The following PRKG1 variants were observed in gnomAD, a reference collection of about 807,000 sequenced individuals.
PRKG1 encodes the protein cGMP-dependent protein kinase 1.
PRKG1 carries 35 observed loss-of-function variants against 88.1 expected under a neutral mutation model. The observed-to-expected ratio is 0.40, with a 90% confidence interval of 0.30 to 0.53. The LOEUF is 0.53. PRKG1 is among the 20% of genes least tolerant of loss of function. PRKG1 has a pLI of 0.59. For synonymous variants in PRKG1, 303 were observed against 292.5 expected, an observed-to-expected ratio of 1.04 and a Z score of -0.37; for missense variants, 540 against 839.8, an observed-to-expected ratio of 0.64 and a Z score of 4.41.
chr10:51,672,394 T>C (rs546453249), intron 3 of PRKG1, among the ~76,000 whole-genome samples: 95 of 152,132 alleles, frequency 6.2e-4, no homozygotes, highest in Admixed American at 2.2e-3. Flanking sequence ...TAATTCATTT[T>C]TTATAATTTT....
chr10:52,292,812 T>C (rs558760552), intron 17 of PRKG1, among the ~76,000 whole-genome samples: 1,573 of 151,850 alleles, frequency 0.01, 21 homozygotes, highest in African/African-American at 0.036. Context: ...TCATACTGAA[T>C]GGGCAAAAAC....
intron 1 of PRKG1, among the ~76,000 whole-genome samples, chr10:51,124,381 A>G (rs961462492): frequency 6.6e-6 from 1 of 151,890 alleles, no homozygotes; most frequent in Non-Finnish European, 1.5e-5. Flanking sequence ...GGGGGTGTGG[A>G]GTGGGAGGAT....
At chr10:52,263,697 C>T (rs1338812314) in intron 10 of PRKG1, among the ~76,000 whole-genome samples, 2 of 151,972 alleles carry the variant, frequency 1.3e-5, no homozygotes, top group East Asian at 2.0e-4. Context: ...ACCTCATCCT[C>T]CCAAGTAGCT....
At chr10:52,028,052 G>T (rs1367839494) in intron 5 of PRKG1, among the ~76,000 whole-genome samples, 1 of 152,132 alleles carries the variant, frequency 6.6e-6, no homozygotes, top group East Asian at 1.9e-4. Context: ...GCCTCTCAAA[G>T]TTCTGGGATT....
At chr10:51,520,348 A>G (rs1841704949) in intron 3 of PRKG1, among the ~76,000 whole-genome samples, 1 of 149,508 alleles carries the variant, frequency 6.7e-6, no homozygotes, top group Non-Finnish European at 1.5e-5. Context: ...TATATATTAT[A>G]TGTATATTTA....
At chr10:51,297,611 T>A (rs1449755049) in intron 2 of PRKG1, among the ~76,000 whole-genome samples, 1 of 152,112 alleles carries the variant, frequency 6.6e-6, no homozygotes, top group African/African-American at 2.4e-5. Context: ...AGGAAGCTTG[T>A]AGGTGACTCA....
intron 9 of PRKG1, among the ~76,000 whole-genome samples, chr10:52,173,244 T>A (rs1838760289): frequency 6.6e-6 from 1 of 152,194 alleles, no homozygotes; most frequent in Admixed American, 6.5e-5. Context: ...TCAAATTGTG[T>A]AGTATTGCTT....
At chr10:51,646,231 C>A (rs1484782969) in intron 3 of PRKG1, among the ~76,000 whole-genome samples, 5 of 152,152 alleles carry the variant, frequency 3.3e-5, no homozygotes, top group Non-Finnish European at 5.9e-5. Flanking sequence ...CAACCTTGAG[C>A]AAGCTACCTA....
intron 3 of PRKG1, among the ~76,000 whole-genome samples, chr10:51,483,445 T>C (rs904111812): frequency 6.6e-6 from 1 of 152,320 alleles, no homozygotes; most frequent in East Asian, 1.9e-4. Context: ...AGAAATCCCA[T>C]TCAACTTCCT....
intron 2 of PRKG1, among the ~76,000 whole-genome samples, chr10:51,191,441 T>C (rs1272377948): frequency 1.3e-5 from 2 of 151,834 alleles, no homozygotes; most frequent in Non-Finnish European, 2.9e-5. Flanking sequence ...GTGTAAATAA[T>C]TGGAGCAGTG....
chr10:52,017,098 G>A (rs1211342648), intron 5 of PRKG1, among the ~76,000 whole-genome samples: 1 of 152,108 alleles, frequency 6.6e-6, no homozygotes. Context: ...GAAGGCTTGA[G>A]TATTAAGAGA....
rs10823860 is a variant in PRKG1 at position 51,907,683 on chromosome 10, C to T, written c.762+113C>T. 662,649 of 927,036 alleles carry T rather than the reference C, an allele frequency of 0.71. 238,494 individuals carry two copies. Among genetic ancestry groups the T allele is most frequent in the African/African-American group, 0.87 (52,347 of 59,984 alleles). The allele number at this position is 927,036 out of a possible 1,614,324, so 57.4% of individuals were successfully genotyped here. A position where few individuals can be genotyped will look rare whatever the true frequency, so the allele number is the denominator to read the frequency against. ...AACTGCAGAGATCTTTAAAAAATTT[C>T]TAAGCTCTGGGATGAGCTATATATT... On this transcript the variant is annotated intron_variant, in intron 5 of 17. Coordinates refer to ENST00000373980, the MANE Select transcript of PRKG1 (RefSeq NM_006258.4).
At chr10:51,734,923 T>C (rs1486040543) in intron 3 of PRKG1, among the ~76,000 whole-genome samples, 2 of 152,236 alleles carry the variant, frequency 1.3e-5, no homozygotes, top group South Asian at 2.1e-4. Context: ...TAGTGTGTTA[T>C]ATGCTCAGGG....
intron 7 of PRKG1, among the ~76,000 whole-genome samples, chr10:52,114,254 T>C (rs557356746): frequency 6.6e-6 from 1 of 152,220 alleles, no homozygotes; most frequent in African/African-American, 2.4e-5. Flanking sequence ...GGTACATGGA[T>C]GTTGGGAACA....
At chr10:52,011,248 A>AT (rs1179447987) in intron 5 of PRKG1, among the ~76,000 whole-genome samples, 5 of 152,118 alleles carry the variant, frequency 3.3e-5, no homozygotes, top group African/African-American at 7.2e-5. Flanking sequence ...TTTAGAATTC[A>AT]TTTTTTTATG....
intron 2 of PRKG1, among the ~76,000 whole-genome samples, chr10:51,269,104 C>A (rs1424277408): frequency 2.0e-5 from 3 of 152,078 alleles, no homozygotes; most frequent in Admixed American, 6.6e-5. Context: ...AAATAGCCAA[C>A]AAACATATGA....
intron 5 of PRKG1, among the ~76,000 whole-genome samples, chr10:51,922,479 A>C (rs1196369400): frequency 6.6e-6 from 1 of 151,782 alleles, no homozygotes; most frequent in Middle Eastern, 3.2e-3. Context: ...TTTCTAAATT[A>C]CAGCTTAGAT....
intron 5 of PRKG1, among the ~76,000 whole-genome samples, chr10:52,048,460 A>T (rs1845912762): frequency 6.6e-6 from 1 of 152,182 alleles, no homozygotes; most frequent in Non-Finnish European, 1.5e-5. Flanking sequence ...TGATATCAAT[A>T]ACTATGACTG....
At chr10:51,366,673 G>A (rs72805005) in intron 2 of PRKG1, among the ~76,000 whole-genome samples, 5,429 of 151,904 alleles carry the variant, frequency 0.036, 181 homozygotes, top group African/African-American at 0.078. Flanking sequence ...CTATTTAAAT[G>A]TTTGTGTGTA....
Sources: allele counts gnomAD v4.1 joint callset (sites outside exome capture counted in the v4.1 genomes callset), GRCh38; gene constraint gnomAD v4.1.1; transcripts MANE v1.5; gene names NCBI Gene and HGNC (gene_info 2026-07-23, HGNC 2026-07-21).